Variants in PRKD3 observed in about 807,000 individuals in gnomAD.
The protein encoded by PRKD3 is protein kinase D3, also known as serine/threonine-protein kinase D3.
PRKD3 carries 47 observed loss-of-function variants against 99.2 expected under a neutral mutation model. That is an observed-to-expected ratio of 0.47 (90% CI 0.38 to 0.60). PRKD3 has a LOEUF of 0.60. Among genes scored for constraint, PRKD3 ranks in the 20% least tolerant of loss-of-function variants. The pLI is 0.00. For synonymous variants in PRKD3, 392 were observed against 355.4 expected, an observed-to-expected ratio of 1.10 and a Z score of -1.16; for missense variants, 1,019 against 1,088.4, an observed-to-expected ratio of 0.94 and a Z score of 0.90.
At position 37,293,159 on chromosome 2, in the gene PRKD3, CCTT is replaced by C. The variant is rs1670519740; in HGVS notation, c.398_400del (p.Glu133del). The C allele has an allele frequency of 1.3e-6, 2 of 1,596,864 alleles. No homozygotes were observed. The highest frequency in any genetic ancestry group is 1.7e-6 in the Non-Finnish European group (2 of 1,166,300). ...TGAAAGAACCACTTCCACTAGGTCT[CCTT>C]CATGTATTTCATCTGCTGAGGTAAT... is the stretch of plus-strand genomic sequence containing the variant. On this transcript the variant is annotated inframe_deletion, in exon 3 of 19. Coordinates refer to ENST00000234179, the MANE Select transcript of PRKD3 (RefSeq NM_005813.6).
intron 9 of PRKD3, 31 bp from the exon 10 acceptor site, chr2:37,275,875 T>A (rs1669541995): frequency 6.3e-7 from 1 of 1,589,512 alleles, no homozygotes; most frequent in African/African-American, 1.4e-5. Context: ...AACTGTGAGG[T>A]TCAAAAATGA....
At chr2:37,301,487 G>C (rs927593440) in intron 2 of PRKD3, among the ~76,000 whole-genome samples, 25 of 150,872 alleles carry the variant, frequency 1.7e-4, no homozygotes, top group African/African-American at 6.1e-4. Context: ...TGCCCACAAT[G>C]TAGTGGCTTG....
chr2:37,295,262 T>C (rs1341595743), intron 2 of PRKD3, among the ~76,000 whole-genome samples: 3 of 151,802 alleles, frequency 2.0e-5, no homozygotes, highest in East Asian at 1.9e-4. Flanking sequence ...CAAATATATA[T>C]AGTATAAGGC....
At chr2:37,321,903 G>T (rs1381434488) in intron 1 of PRKD3, among the ~76,000 whole-genome samples, 1 of 152,194 alleles carries the variant, frequency 6.6e-6, no homozygotes, top group African/African-American at 2.4e-5. Context: ...TCAAAAAGAA[G>T]TTCATTATTT....
intron 5 of PRKD3, 27 bp from the exon 6 acceptor site, chr2:37,286,396 G>A (rs749225091): frequency 1.3e-6 from 2 of 1,586,244 alleles, no homozygotes; most frequent in Non-Finnish European, 1.7e-6. Flanking sequence ...TTTCATAAGT[G>A]TAAGTCAATA....
At chr2:37,283,547 C>G (rs1669952146) in intron 6 of PRKD3, among the ~76,000 whole-genome samples, 2 of 152,162 alleles carry the variant, frequency 1.3e-5, no homozygotes, top group East Asian at 3.8e-4. Context: ...ATAAAATTTA[C>G]TTTAAAACAC....
At chr2:37,295,078 C>T (rs1429488539) in intron 2 of PRKD3, among the ~76,000 whole-genome samples, 1 of 152,022 alleles carries the variant, frequency 6.6e-6, no homozygotes, top group East Asian at 1.9e-4. Context: ...GGCTCCGTCA[C>T]AAACAAACAA....
intron 14 of PRKD3, among the ~76,000 whole-genome samples, chr2:37,265,183 G>A (rs974631800): frequency 6.6e-6 from 1 of 152,090 alleles, no homozygotes; most frequent in Admixed American, 6.6e-5. Flanking sequence ...ATGACACGGG[G>A]CAAAGATGGA....
intron 2 of PRKD3, among the ~76,000 whole-genome samples, chr2:37,301,641 G>A (rs901164973): frequency 7.2e-5 from 11 of 152,116 alleles, no homozygotes; most frequent in African/African-American, 2.2e-4. Context: ...AGAGTCAAAA[G>A]GGGCGGGGGC....
Position 37,316,393 on chromosome 2 carries a change from G to C in PRKD3, c.132C>G (p.Ser44Arg). The C allele has an allele frequency of 1.2e-6, 2 of 1,614,210 alleles. No individual in the cohort carries two copies. The highest frequency in any genetic ancestry group is 1.7e-6 in the Non-Finnish European group (2 of 1,180,036). ...AGTTGGTGAGTGATGGTGCACTGAAGCTTCCATTAGAGAGTCGGGCAGAGA... is the reference window on the plus strand; with the variant it reads ...AGTTGGTGAGTGATGGTGCACTGAACCTTCCATTAGAGAGTCGGGCAGAGA... ...TGLSARLSNG[S>R]FSAPSLTNSR... The change falls in exon 2 of 19, where the codon AGC (serine) becomes AGG (arginine). Residue 44 changes from serine to arginine, a missense_variant. Ser to Arg is a moderately radical substitution (Grantham distance 110). Coordinates refer to ENST00000234179, the MANE Select transcript of PRKD3 (RefSeq NM_005813.6).
At chr2:37,317,635 A>T (rs1161525928) in intron 1 of PRKD3, among the ~76,000 whole-genome samples, 1 of 152,224 alleles carries the variant, frequency 6.6e-6, no homozygotes, top group Non-Finnish European at 1.5e-5. Context: ...TACAATACTA[A>T]TTCTGCCGAA....
intron 1 of PRKD3, among the ~76,000 whole-genome samples, chr2:37,318,081 C>A (rs1251159877): frequency 6.6e-6 from 1 of 151,886 alleles, no homozygotes; most frequent in Non-Finnish European, 1.5e-5. Context: ...ATAAATAATT[C>A]CAATGAAGAG....
intron 16 of PRKD3, among the ~76,000 whole-genome samples, chr2:37,259,109 G>C (rs967837065): frequency 6.6e-6 from 1 of 152,080 alleles, no homozygotes; most frequent in Non-Finnish European, 1.5e-5. Flanking sequence ...ATGTAGCCAG[G>C]ACACAGAAGC....
chr2:37,262,459 G>C (rs989984050), intron 14 of PRKD3, among the ~76,000 whole-genome samples: 1 of 152,142 alleles, frequency 6.6e-6, no homozygotes, highest in East Asian at 1.9e-4. Context: ...AAATAGACTT[G>C]TTTGCTAATC....
Position 37,286,148 on chromosome 2 carries a change from T to C in PRKD3, c.910+29A>G, listed in dbSNP as rs191169205. ...ATATAATAACAAAAACAGACATAAA[T>C]TTTAATTAGGGAAAACACCTAATCC... On this transcript the variant is annotated intron_variant, in intron 6 of 18. Transcript: ENST00000234179. The C allele has an allele frequency of 2.6e-6, 4 of 1,527,042 alleles. No homozygotes were observed. The East Asian group carries it at 9.2e-5, about 35-fold the overall frequency. The allele number at this position is 1,527,042 out of a possible 1,614,324, so 94.6% of individuals were successfully genotyped here.
At chr2:37,259,921 T>C (rs1180753969) in intron 15 of PRKD3, among the ~76,000 whole-genome samples, 4 of 152,196 alleles carry the variant, frequency 2.6e-5, no homozygotes, top group Middle Eastern at 3.2e-3. Context: ...TCCCAGCACT[T>C]TGGGAGACCT....
intron 1 of PRKD3, among the ~76,000 whole-genome samples, chr2:37,323,904 T>C (rs1382244780): frequency 2.0e-5 from 3 of 152,174 alleles, no homozygotes; most frequent in Non-Finnish European, 4.4e-5. Flanking sequence ...AATCTGTGTG[T>C]GGAAAAGTCG....
Position 37,275,848 on chromosome 2 carries a change from T to A in PRKD3, c.1297-4A>T. On this transcript the variant is annotated splice_polypyrimidine_tract_variant and splice_region_variant and intron_variant, in intron 9 of 18. Coordinates refer to ENST00000234179, the MANE Select transcript of PRKD3 (RefSeq NM_005813.6). ...GTCTCCAATAATGCCTCTTTCTCTA[T>A]AAAATGAAGATTGGAAAACTGTGAG... 1.2e-6 allele frequency: 2 copies of A among 1,603,688 alleles called. No individual in the cohort carries two copies. Among genetic ancestry groups the A allele is most frequent in the Admixed American group, 3.4e-5 (2 of 58,402 alleles).
At chr2:37,310,911 AACT>A (rs1413229940) in intron 2 of PRKD3, among the ~76,000 whole-genome samples, 1 of 152,232 alleles carries the variant, frequency 6.6e-6, no homozygotes, top group Non-Finnish European at 1.5e-5. Context: ...CATTGCTGGC[AACT>A]ACACGTCTGT....
Sources: gnomAD v4.1 joint callset for allele counts (sites outside exome capture counted in the v4.1 genomes callset) on GRCh38, gnomAD v4.1.1 for gene constraint, MANE v1.5 for transcripts, NCBI Gene and HGNC (gene_info 2026-07-23, HGNC 2026-07-21) for gene names.